Variants in CCDC28A observed in about 807,000 individuals in gnomAD.
CCDC28A encodes coiled-coil domain containing 28A, also known as coiled-coil domain-containing protein 28A.
CCDC28A carries 24 observed loss-of-function variants against 22.1 expected under a neutral mutation model. The observed-to-expected ratio is 1.09, with a 90% confidence interval of 0.79 to 1.53. The LOEUF (loss-of-function observed/expected upper bound fraction) is 1.53, where lower values mean the gene tolerates loss of function less well. Ranked by LOEUF, CCDC28A falls within the 40% of genes most tolerant of loss-of-function variation. The pLI is 0.00. For synonymous variants in CCDC28A, 83 were observed against 74.7 expected (o/e 1.11, Z -0.57); for missense variants, 170 against 210.7 (o/e 0.81, Z 1.20).
intron 2 of CCDC28A, among the ~76,000 whole-genome samples, chr6:138,778,498 G>A (rs988019286): frequency 1.6e-4 from 24 of 152,260 alleles, no homozygotes; most frequent in Admixed American, 2.0e-4. Context: ...TGCCAGACAT[G>A]TGTAATAAGG....
chr6:138,791,270 C>G (rs1456378636), intron 5 of CCDC28A, among the ~76,000 whole-genome samples: 1 of 151,256 alleles, frequency 6.6e-6, no homozygotes, highest in Non-Finnish European at 1.5e-5. Flanking sequence ...TTTTAGATAA[C>G]GGGGTCTTGC....
chr6:138,786,772 C>T (rs548301588), intron 4 of CCDC28A, among the ~76,000 whole-genome samples: 4 of 152,258 alleles, frequency 2.6e-5, no homozygotes, highest in Admixed American at 2.6e-4. Context: ...CATGCCACCA[C>T]GCCCAGCTAA....
chr6:138,783,271 T>C (rs972754649), intron 3 of CCDC28A, among the ~76,000 whole-genome samples: 2 of 143,912 alleles, frequency 1.4e-5, no homozygotes, highest in African/African-American at 5.1e-5. Context: ...TATTGAACTT[T>C]TTTTTTTTTT....
intron 3 of CCDC28A, among the ~76,000 whole-genome samples, chr6:138,782,027 A>G (rs1223671007): frequency 6.6e-6 from 1 of 152,196 alleles, no homozygotes; most frequent in African/African-American, 2.4e-5. Flanking sequence ...GCTTTAGCCC[A>G]TCCCAGTAAG....
chr6:138,791,840 G>A (rs1775175102), intron 5 of CCDC28A, among the ~76,000 whole-genome samples: 1 of 152,206 alleles, frequency 6.6e-6, no homozygotes, highest in African/African-American at 2.4e-5. Flanking sequence ...TTTGATGGCA[G>A]TGCTTATGTC....
At chr6:138,778,520 CT>C (rs921435761) in intron 2 of CCDC28A, among the ~76,000 whole-genome samples, 1 of 152,124 alleles carries the variant, frequency 6.6e-6, no homozygotes, top group African/African-American at 2.4e-5. Flanking sequence ...CTAGTTTAGG[CT>C]AGGGGTTCCA....
chr6:138,783,592 C>T (rs1486160518), intron 3 of CCDC28A, among the ~76,000 whole-genome samples: 1 of 152,056 alleles, frequency 6.6e-6, no homozygotes, highest in African/African-American at 2.4e-5. Context: ...CGCCCACCAC[C>T]ACGCCCGGCT....
intron 5 of CCDC28A, among the ~76,000 whole-genome samples, chr6:138,791,285 T>C (rs1775165283): frequency 6.6e-6 from 1 of 152,050 alleles, no homozygotes; most frequent in Admixed American, 6.6e-5. Flanking sequence ...TCTTGCTATG[T>C]TGCCCAGATT....
chr6:138,792,655 A>C (rs1775189095), intron 5 of CCDC28A, 94 bp from the exon 6 acceptor site: 1 of 793,374 alleles, frequency 1.3e-6, no homozygotes, highest in Admixed American at 2.1e-5. Context: ...CTCTTTTTTA[A>C]ATACCGCTTT....
chr6:138,777,020 A>C (rs9484206), intron 2 of CCDC28A, among the ~76,000 whole-genome samples: 2,351 of 152,276 alleles, frequency 0.015, 68 homozygotes, highest in African/African-American at 0.053. Flanking sequence ...AAGTTTAACT[A>C]TGTTATATGT....
At chr6:138,774,978 G>A (rs147034552) in intron 1 of CCDC28A, among the ~76,000 whole-genome samples, 42 of 146,618 alleles carry the variant, frequency 2.9e-4, no homozygotes, top group African/African-American at 9.9e-4. Flanking sequence ...TTTTGAGACG[G>A]AGTCTCGCTC....
intron 5 of CCDC28A, among the ~76,000 whole-genome samples, chr6:138,791,641 C>T (rs943366171): frequency 3.3e-5 from 5 of 152,132 alleles, no homozygotes; most frequent in Non-Finnish European, 5.9e-5. Context: ...CATCATAATG[C>T]GTTTGTTCAG....
At position 138,785,248 on chromosome 6, in the gene CCDC28A, AGATGGAACATG is replaced by A; in HGVS notation, c.345_355del (p.Gln115HisfsTer24). On this transcript the variant is annotated frameshift_variant, in exon 4 of 6. Transcript: ENST00000617445. LOFTEE classifies it high-confidence loss of function. ...CAAGGAAATGAATGTTCCATTGAAC[AGATGGAACATG>A]TTCGGGGAATGCAGGAGAAATTAGC... The A allele has an allele frequency of 6.2e-7, 1 of 1,612,738 alleles. No homozygotes were observed. The highest frequency in any genetic ancestry group is 8.5e-7 in the Non-Finnish European group (1 of 1,178,790).
intron 3 of CCDC28A, among the ~76,000 whole-genome samples, chr6:138,783,435 A>AC (rs1775048796): frequency 8.4e-6 from 1 of 119,116 alleles, no homozygotes; most frequent in Non-Finnish European, 1.7e-5. Context: ...CACCCAGCTA[A>AC]TTTTTTTTTT....
chr6:138,776,332 G>C (rs909598745), intron 2 of CCDC28A, 54 bp downstream of exon 2: 1 of 1,403,788 alleles, frequency 7.1e-7, no homozygotes, highest in African/African-American at 1.4e-5. Context: ...AGTAAATCCT[G>C]ACTCAACTTC....
chr6:138,785,255 A>G lies in CCDC28A; in HGVS notation c.351A>G (p.Glu117=), dbSNP rs372791693. The G allele has an allele frequency of 1.7e-5, 27 of 1,613,558 alleles. No individual in the cohort carries two copies. Among genetic ancestry groups the G allele is most frequent in the Non-Finnish European group, 2.2e-5 (26 of 1,179,652 alleles). ...FGNECSIEQM[E]HVRGMQEKLA... is the part of the protein sequence containing the mutation. ...ATGAATGTTCCATTGAACAGATGGA[A>G]CATGTTCGGGGAATGCAGGAGAAAT... The change falls in exon 4 of 6, where the codon GAA becomes GAG. Residue 117 remains glutamate, a synonymous_variant. Coordinates refer to ENST00000617445, the MANE Select transcript of CCDC28A (RefSeq NM_015439.3).
intron 1 of CCDC28A, among the ~76,000 whole-genome samples, chr6:138,775,120 T>C (rs1035752959): frequency 1.7e-4 from 26 of 152,214 alleles, no homozygotes; most frequent in Non-Finnish European, 1.0e-4. Flanking sequence ...TTTGTATTTT[T>C]AGTAGAGACG....
chr6:138,774,267 T>C (rs1774891391), intron 1 of CCDC28A, among the ~76,000 whole-genome samples: 1 of 152,208 alleles, frequency 6.6e-6, no homozygotes, highest in South Asian at 2.1e-4. Context: ...ACTGGTTTAT[T>C]TGCATTGCTT....
intron 3 of CCDC28A, among the ~76,000 whole-genome samples, chr6:138,782,704 A>G (rs1021443915): frequency 2.6e-5 from 4 of 152,196 alleles, no homozygotes; most frequent in Non-Finnish European, 5.9e-5. Context: ...AAACATGACT[A>G]AAATAGAGGA....
Sources: gnomAD v4.1 joint callset for allele counts (sites outside exome capture counted in the v4.1 genomes callset) on GRCh38, gnomAD v4.1.1 for gene constraint, MANE v1.5 for transcripts, NCBI Gene and HGNC (gene_info 2026-07-23, HGNC 2026-07-21) for gene names.